GPC5: variants seen among roughly 807,000 people sequenced by gnomAD.
The protein encoded by GPC5 is glypican 5, also known as glypican-5.
GPC5 carries 47 observed loss-of-function variants against 53.9 expected under a neutral mutation model. The observed-to-expected ratio is 0.87, with a 90% confidence interval of 0.69 to 1.11. The LOEUF is 1.11. Ranked by LOEUF, GPC5 falls within the 50% of genes most tolerant of loss-of-function variation. The pLI is 0.00. For synonymous variants in GPC5, 286 were observed against 263.3 expected, an observed-to-expected ratio of 1.09 and a Z score of -0.84; for missense variants, 748 against 713.1, an observed-to-expected ratio of 1.05 and a Z score of -0.56.
At chr13:92,159,336 A>C (rs956745213) in intron 7 of GPC5, among the ~76,000 whole-genome samples, 1 of 152,170 alleles carries the variant, frequency 6.6e-6, no homozygotes, top group Non-Finnish European at 1.5e-5. Flanking sequence ...GCCTCCAGAC[A>C]TGTTTAGCTC....
chr13:91,963,141 T>A (rs983930249), intron 6 of GPC5, among the ~76,000 whole-genome samples: 1 of 152,158 alleles, frequency 6.6e-6, no homozygotes, highest in Non-Finnish European at 1.5e-5. Flanking sequence ...GGGAATTGCA[T>A]AATTTTGTAC....
chr13:91,459,586 A>G (rs1372874013), intron 2 of GPC5, among the ~76,000 whole-genome samples: 2 of 152,092 alleles, frequency 1.3e-5, no homozygotes, highest in Non-Finnish European at 2.9e-5. Flanking sequence ...AGGGGCTTCC[A>G]CATGGACTTG....
chr13:92,170,420 CTTTTTTTTTTTT>C (rs61418155), intron 7 of GPC5, among the ~76,000 whole-genome samples: 1 of 75,260 alleles, frequency 1.3e-5, no homozygotes, highest in African/African-American at 5.2e-5. Flanking sequence ...CTTTTCTTTG[CTTTTTTTTTTTT>C]TTTTTTTTTT....
intron 6 of GPC5, among the ~76,000 whole-genome samples, chr13:92,133,171 C>A (rs1347204292): frequency 6.6e-6 from 1 of 152,206 alleles, no homozygotes; most frequent in African/African-American, 2.4e-5. Context: ...CAAATTATTT[C>A]TAGAATATTT....
intron 7 of GPC5, among the ~76,000 whole-genome samples, chr13:92,754,426 G>A (rs560966737): frequency 6.6e-6 from 1 of 152,058 alleles, no homozygotes; most frequent in African/African-American, 2.4e-5. Flanking sequence ...ATCAACTAAT[G>A]AGCGAAATCA....
chr13:92,176,295 G>C (rs914122187), intron 7 of GPC5, among the ~76,000 whole-genome samples: 4 of 152,184 alleles, frequency 2.6e-5, no homozygotes, highest in African/African-American at 9.7e-5. Flanking sequence ...CCTGGATAAA[G>C]TACATACCTT....
At chr13:91,729,353 A>T (rs1275356267) in intron 4 of GPC5, among the ~76,000 whole-genome samples, 1 of 152,136 alleles carries the variant, frequency 6.6e-6, no homozygotes, top group African/African-American at 2.4e-5. Flanking sequence ...AGAGGAAATT[A>T]TTATATGTGT....
At chr13:91,699,583 G>A (rs2035952596) in intron 3 of GPC5, among the ~76,000 whole-genome samples, 1 of 152,124 alleles carries the variant, frequency 6.6e-6, no homozygotes, top group African/African-American at 2.4e-5. Flanking sequence ...GAATAAGACT[G>A]GGAATTGACA....
intron 7 of GPC5, chr13:92,658,924 G>GTTTTTTTTTTTTTTTTTTTT (rs71123426): frequency 3.5e-5 from 3 of 85,594 alleles, no homozygotes; most frequent in Non-Finnish European, 4.3e-5. Context: ...TATATGTTTT[G>GTTTTTTTTTTTTTTTTTTTT]TTTTTTTTTT....
At chr13:92,482,410 A>T (rs1879392295) in intron 7 of GPC5, among the ~76,000 whole-genome samples, 1 of 152,160 alleles carries the variant, frequency 6.6e-6, no homozygotes. Flanking sequence ...TCTCCTAAAA[A>T]ATTAACTTGT....
At chr13:92,201,312 G>T (rs868541949) in intron 7 of GPC5, among the ~76,000 whole-genome samples, 1 of 152,128 alleles carries the variant, frequency 6.6e-6, no homozygotes, top group Non-Finnish European at 1.5e-5. Context: ...GTGACACTTG[G>T]TTAAATCTAA....
chr13:91,666,433 T>G (rs1458806883), intron 2 of GPC5, among the ~76,000 whole-genome samples: 1 of 152,234 alleles, frequency 6.6e-6, no homozygotes, highest in East Asian at 1.9e-4. Context: ...GTGTCTCATA[T>G]AGTACTTCAG....
intron 6 of GPC5, among the ~76,000 whole-genome samples, chr13:92,070,433 G>A (rs1472595769): frequency 2.6e-5 from 4 of 152,096 alleles, no homozygotes; most frequent in African/African-American, 7.2e-5. Context: ...TAATCTGCCC[G>A]AAAATTTATC....
chr13:91,718,299 A>G (rs2036389382), intron 3 of GPC5, among the ~76,000 whole-genome samples: 1 of 152,004 alleles, frequency 6.6e-6, no homozygotes, highest in Non-Finnish European at 1.5e-5. Context: ...TTTAGTAGAG[A>G]TGGGGTTTCA....
chr13:91,530,353 T>C (rs768540588), intron 2 of GPC5, among the ~76,000 whole-genome samples: 5 of 152,166 alleles, frequency 3.3e-5, no homozygotes, highest in Admixed American at 6.5e-5. Flanking sequence ...AAATGAGCCA[T>C]AGTGAGATAA....
At chr13:92,746,207 C>A (rs894145876) in intron 7 of GPC5, among the ~76,000 whole-genome samples, 2 of 152,038 alleles carry the variant, frequency 1.3e-5, no homozygotes, top group Non-Finnish European at 2.9e-5. Flanking sequence ...AGTAAAGTAG[C>A]TTTATAAAAG....
At chr13:91,710,267 A>C (rs2036197170) in intron 3 of GPC5, among the ~76,000 whole-genome samples, 1 of 152,246 alleles carries the variant, frequency 6.6e-6, no homozygotes, top group Non-Finnish European at 1.5e-5. Flanking sequence ...ATTTAATTTC[A>C]GGCATTTATA....
chr13:92,521,937 A>C (rs1881067407), intron 7 of GPC5, among the ~76,000 whole-genome samples: 1 of 152,170 alleles, frequency 6.6e-6, no homozygotes, highest in Admixed American at 6.5e-5. Context: ...ACAAGAAAAA[A>C]ACAAACAACC....
rs546946288 is a variant in GPC5 at position 91,594,885 on chromosome 13, G to T, written c.326-98302G>T. Among the ~76,000 whole-genome samples the T allele has an allele frequency of 2.2e-4, 33 of 152,022 alleles. 1 individual carries two copies. Among genetic ancestry groups the T allele is most frequent in the African/African-American group, 7.7e-4 (32 of 41,458 alleles). ...GATGGGGTCTCACTATGTTACCCAG[G>T]CTGGTCTCCAACTCCCTCAAGCAGT... On this transcript the variant is annotated intron_variant, in intron 2 of 7. Coordinates refer to ENST00000377067, the MANE Select transcript of GPC5 (RefSeq NM_004466.6).
Sources: allele counts gnomAD v4.1 joint callset (sites outside exome capture counted in the v4.1 genomes callset), GRCh38; gene constraint gnomAD v4.1.1; transcripts MANE v1.5; gene names NCBI Gene and HGNC (gene_info 2026-07-23, HGNC 2026-07-21).